SLC5A4: variants seen among roughly 807,000 people sequenced by gnomAD.
SLC5A4 encodes probable glucose sensor protein SLC5A4.
Under a neutral mutation model 70.3 loss-of-function variants are expected in SLC5A4, and 55 were observed. The observed-to-expected ratio is 0.78, with a 90% CI of 0.63 to 0.98. The LOEUF (loss-of-function observed/expected upper bound fraction) is 0.98, where lower values mean the gene tolerates loss of function less well. SLC5A4 is among the 50% of genes least tolerant of loss of function. SLC5A4 has a pLI of 0.00. For missense variants in SLC5A4, 735 were observed against 839.2 expected (o/e 0.88, Z 1.53); for synonymous variants, 268 against 305.7 (o/e 0.88, Z 1.29).
intron 13 of SLC5A4, among the ~76,000 whole-genome samples, chr22:32,223,197 GA>G (rs1925189149): frequency 6.6e-6 from 1 of 152,142 alleles, no homozygotes; most frequent in South Asian, 2.1e-4. Flanking sequence ...CTTTCATGAT[GA>G]AATCTGGATT....
At chr22:32,330,782 G>GGTGT in the SLC5A4 span, among the ~76,000 whole-genome samples, 2 of 118,386 alleles carry the variant, frequency 1.7e-5, no homozygotes, top group Admixed American at 8.4e-5. Flanking sequence ...TGGGGGCTCT[G>GGTGT]GTGTGTGTGT....
the SLC5A4 span, among the ~76,000 whole-genome samples, chr22:32,315,133 CA>C: frequency 6.6e-6 from 1 of 152,106 alleles, no homozygotes; most frequent in Non-Finnish European, 1.5e-5. Flanking sequence ...TGAGCAGAAG[CA>C]TAACAAATGC....
the SLC5A4 span, among the ~76,000 whole-genome samples, chr22:32,267,276 A>C: frequency 6.6e-6 from 1 of 152,224 alleles, no homozygotes; most frequent in Non-Finnish European, 1.5e-5. Flanking sequence ...TGATTGGATT[A>C]AGAATGATAA....
chr22:32,255,377 T>A, upstream of SLC5A4: 2 of 1,600,642 alleles, frequency 1.2e-6, no homozygotes, highest in South Asian at 1.1e-5. Context: ...CATCTTTATA[T>A]AAGTTCTGGG....
At chr22:32,284,267 T>C in the SLC5A4 span, among the ~76,000 whole-genome samples, 2 of 152,242 alleles carry the variant, frequency 1.3e-5, no homozygotes, top group African/African-American at 2.4e-5. Context: ...GTTCATATCA[T>C]TAAAATAGAT....
chr22:32,224,255 C>T lies in SLC5A4; in HGVS notation c.1665+12G>A. Reference sequence around the variant, plus strand: ...ATTTAAAATTAGCATGTATTCATTACTCATCACTCACATGTACATCAGGAA... The same window carrying T: ...ATTTAAAATTAGCATGTATTCATTATTCATCACTCACATGTACATCAGGAA... On this transcript the variant is annotated intron_variant, in intron 13 of 14. Transcript: ENST00000266086. The T allele has an allele frequency of 1.9e-6, 3 of 1,579,046 alleles. No individual in the cohort carries two copies. The highest frequency in any genetic ancestry group is 2.6e-6 in the Non-Finnish European group (3 of 1,148,284).
At chr22:32,230,573 A>C (rs1276839231) in intron 10 of SLC5A4, among the ~76,000 whole-genome samples, 1 of 152,184 alleles carries the variant, frequency 6.6e-6, no homozygotes, top group Non-Finnish European at 1.5e-5. Context: ...AATGCCCCCC[A>C]AAAAGCATAA....
the SLC5A4 span, among the ~76,000 whole-genome samples, chr22:32,302,320 T>C: frequency 6.6e-6 from 1 of 151,974 alleles, no homozygotes; most frequent in Admixed American, 6.6e-5. Flanking sequence ...TTTTACAGTC[T>C]GTAGCTTGTC....
chr22:32,320,119 G>A, the SLC5A4 span, among the ~76,000 whole-genome samples: 1 of 152,166 alleles, frequency 6.6e-6, no homozygotes, highest in Non-Finnish European at 1.5e-5. Flanking sequence ...TCTAAAATAA[G>A]AGAAATGCAA....
At chr22:32,285,168 AC>A in the SLC5A4 span, 1 of 152,212 alleles carries the variant, frequency 6.6e-6, no homozygotes, top group Admixed American at 6.5e-5. Context: ...ATGCGTATAT[AC>A]GATATATGTG....
the SLC5A4 span, among the ~76,000 whole-genome samples, chr22:32,309,505 T>A: frequency 6.6e-6 from 1 of 152,180 alleles, no homozygotes; most frequent in African/African-American, 2.4e-5. Context: ...CTTGAACTTG[T>A]CACTACCCTG....
At chr22:32,342,262 T>C in the SLC5A4 span, among the ~76,000 whole-genome samples, 15 of 152,186 alleles carry the variant, frequency 9.9e-5, no homozygotes, top group Non-Finnish European at 1.3e-4. Context: ...ACAAAAAAAT[T>C]TGACCCAGGA....
At chr22:32,329,359 A>C in the SLC5A4 span, among the ~76,000 whole-genome samples, 4 of 152,232 alleles carry the variant, frequency 2.6e-5, no homozygotes, top group Non-Finnish European at 5.9e-5. Flanking sequence ...GCACACAGAA[A>C]ACACTCAAGA....
chr22:32,223,738 T>C lies in SLC5A4; in HGVS notation c.1665+529A>G, dbSNP rs78693113. Among the ~76,000 whole-genome samples the C allele has an allele frequency of 3.6e-3, 551 of 152,318 alleles. 3 individuals carry two copies. The highest frequency in any genetic ancestry group is 0.02 in the South Asian group (95 of 4,830). ...TTGACTTCCCAACTACTCTGTGAAG[T>C]TTACAAAATATAATGTCCATTTTCT... On this transcript the variant is annotated intron_variant, in intron 13 of 14. Transcript: ENST00000266086.
At chr22:32,326,423 GT>G in the SLC5A4 span, among the ~76,000 whole-genome samples, 1 of 151,906 alleles carries the variant, frequency 6.6e-6, no homozygotes, top group Non-Finnish European at 1.5e-5. Flanking sequence ...TGCCCAGCTA[GT>G]TTTTTTATTT....
the SLC5A4 span, among the ~76,000 whole-genome samples, chr22:32,301,336 G>GT: frequency 6.6e-6 from 1 of 152,090 alleles, no homozygotes; most frequent in South Asian, 2.1e-4. Context: ...CACCAGCAAG[G>GT]TTTTTTATTT....
At chr22:32,280,907 G>T in the SLC5A4 span, among the ~76,000 whole-genome samples, 689 of 152,078 alleles carry the variant, frequency 4.5e-3, 1 homozygote, top group Non-Finnish European at 8.1e-3. Context: ...GACCATTCAG[G>T]GTCCCCTTCT....
the SLC5A4 span, among the ~76,000 whole-genome samples, chr22:32,334,562 C>T: frequency 7.2e-5 from 11 of 152,212 alleles, no homozygotes; most frequent in African/African-American, 2.7e-4. Context: ...GTAGTGGCCT[C>T]TCACCAAAAC....
the SLC5A4 span, among the ~76,000 whole-genome samples, chr22:32,278,808 A>G: frequency 6.6e-6 from 1 of 152,224 alleles, no homozygotes; most frequent in East Asian, 1.9e-4. Flanking sequence ...AGAGAAAGAC[A>G]GTAAGCAATA....
Sources: allele counts gnomAD v4.1 joint callset (sites outside exome capture counted in the v4.1 genomes callset), GRCh38; gene constraint gnomAD v4.1.1; transcripts MANE v1.5; gene names NCBI Gene and HGNC (gene_info 2026-07-23, HGNC 2026-07-21).